The following MGARP variants were observed in gnomAD, a reference collection of about 807,000 sequenced individuals.
MGARP encodes the protein protein MGARP.
In MGARP, 12 loss-of-function variants were observed where a neutral mutation model predicts 11.0. The observed-to-expected ratio is 1.09, with a 90% confidence interval of 0.70 to 1.77. The LOEUF (loss-of-function observed/expected upper bound fraction) is 1.77, where lower values mean the gene tolerates loss of function less well. MGARP is among the 40% of genes most tolerant of loss of function. The probability of loss-of-function intolerance (pLI) is 0.00; values close to 1 mark genes in which losing one functional copy is unlikely to be tolerated. For missense variants in MGARP, 283 were observed against 297.8 expected, an observed-to-expected ratio of 0.95 and a Z score of 0.36; for synonymous variants, 110 against 115.4, an observed-to-expected ratio of 0.95 and a Z score of 0.30.
At chr4:139,268,316 A>G (rs1744727561) in intron 3 of MGARP, among the ~76,000 whole-genome samples, 1 of 152,228 alleles carries the variant, frequency 6.6e-6, no homozygotes, top group Admixed American at 6.5e-5. Flanking sequence ...GCCAAAACTG[A>G]AAGATAATTT....
At chr4:139,277,854 A>G (rs1350456289) in intron 1 of MGARP, among the ~76,000 whole-genome samples, 1 of 152,242 alleles carries the variant, frequency 6.6e-6, no homozygotes, top group Non-Finnish European at 1.5e-5. Flanking sequence ...TGGTAGGATT[A>G]CAGGTGAATT....
At position 139,267,052 on chromosome 4, in the gene MGARP, T is replaced by C. The variant is rs1744710451; in HGVS notation, c.281-11A>G. 6.2e-7 allele frequency: 1 copy of C among 1,608,798 alleles called. No homozygotes were observed. The stretch of plus-strand genomic sequence containing the variant: ...CATTCTCCTTTTCACCTTTAAGAAT[T>C]AGTCATTAAGCAAGGTATTAATTTA... On this transcript the variant is annotated splice_polypyrimidine_tract_variant and intron_variant, in intron 3 of 3. Transcript: ENST00000398955.
chr4:139,272,824 T>C (rs1262297057), intron 2 of MGARP, among the ~76,000 whole-genome samples: 2 of 151,214 alleles, frequency 1.3e-5, no homozygotes, highest in Non-Finnish European at 2.9e-5. Context: ...TAGCTGGGAT[T>C]ACAGGTGCCC....
Position 139,266,933 on chromosome 4 carries a change from A to G in MGARP, c.389T>C (p.Val130Ala), listed in dbSNP as rs745875287. Residue 130 changes from valine (V) to alanine (A), a missense_variant, in exon 4 of 4, where the codon GTT becomes GCT. Transcript: ENST00000398955. Reference sequence around the variant, plus strand: ...GGCAGATGCCTCTTTTATGACCACAACTGTAGCACTGGGACTTTCTTCAGC... The same window carrying G: ...GGCAGATGCCTCTTTTATGACCACAGCTGTAGCACTGGGACTTTCTTCAGC... ...VDAEESPSAT[V>A]VVIKEASACP... The G allele has an allele frequency of 5.0e-6, 8 of 1,614,006 alleles. No homozygotes were observed. The highest frequency in any genetic ancestry group is 2.2e-5 in the East Asian group (1 of 44,896).
chr4:139,279,409 G>A (rs1478797091), intron 1 of MGARP, among the ~76,000 whole-genome samples: 1 of 152,188 alleles, frequency 6.6e-6, no homozygotes, highest in African/African-American at 2.4e-5. Flanking sequence ...GGACTACAGA[G>A]CCAAGCAGTT....
At chr4:139,272,816 G>C (rs2110731735) in intron 2 of MGARP, among the ~76,000 whole-genome samples, 1 of 149,930 alleles carries the variant, frequency 6.7e-6, no homozygotes, top group South Asian at 2.1e-4. Context: ...CTCCAGAGTA[G>C]CTGGGATTAC....
At chr4:139,268,898 G>C (rs1744736029) in intron 2 of MGARP, 133 bp from the exon 3 acceptor site, 1 of 600,116 alleles carries the variant, frequency 1.7e-6, no homozygotes, top group Non-Finnish European at 2.9e-6. Context: ...GCAAAGAAGA[G>C]AAATCAGTGC....
chr4:139,279,276 G>T (rs1030123114), intron 1 of MGARP, among the ~76,000 whole-genome samples: 1 of 152,168 alleles, frequency 6.6e-6, no homozygotes, highest in Non-Finnish European at 1.5e-5. Context: ...TATACGAAGC[G>T]CTTTCCTATA....
intron 1 of MGARP, among the ~76,000 whole-genome samples, chr4:139,275,976 T>A (rs1744863226): frequency 1.3e-5 from 2 of 152,304 alleles, no homozygotes; most frequent in South Asian, 4.1e-4. Flanking sequence ...AAAGGTTGTA[T>A]CTGAAATAGA....
intron 1 of MGARP, among the ~76,000 whole-genome samples, chr4:139,279,499 G>A (rs1340584518): frequency 6.6e-6 from 1 of 152,124 alleles, no homozygotes; most frequent in Non-Finnish European, 1.5e-5. Flanking sequence ...AGAGCCAGGC[G>A]CTCGCGGGGT....
chr4:139,279,070 T>C (rs1744916361), intron 1 of MGARP, among the ~76,000 whole-genome samples: 1 of 152,042 alleles, frequency 6.6e-6, no homozygotes, highest in Admixed American at 6.6e-5. Flanking sequence ...TGAGGCTAAG[T>C]GAAGAGAGCA....
In MGARP at chr4:139,280,102, G is replaced by A. The variant is rs775898957; in HGVS notation, c.57C>T (p.Pro19=). 1.9e-6 allele frequency: 3 copies of A among 1,611,764 alleles called. No individual in the cohort carries two copies. In the African/African-American group the frequency reaches 4.0e-5, roughly 22 times the overall value. ...CGTCCTTTCCGAGCGGCGCGGGGTT[G>A]GGGGGCGCCCTCAGCGGCAGCGCCA... The part of the protein sequence containing the change: ...KTLALPLRAP[P]NPAPLGKDAS... Residue 19 remains proline, a synonymous_variant, in exon 1 of 4, where the codon CCC becomes CCT. Transcript: ENST00000398955.
rs1560930096 is a variant in MGARP, at chr4:139,266,824, C to T, written c.498G>A (p.Arg166=). The part of the protein sequence containing the change: ...TGPEVTDAAA[R]ETTEVNPETT... ...TTTCAGGGTTTACTTCCGTGGTTTCCCTCGCCGCTGCATCTGTGACCTCTG... is the reference window on the plus strand; with the variant it reads ...TTTCAGGGTTTACTTCCGTGGTTTCTCTCGCCGCTGCATCTGTGACCTCTG... The change falls in exon 4 of 4, where the codon AGG becomes AGA. Residue 166 remains arginine, a synonymous_variant. Transcript: ENST00000398955. 1 of 1,614,092 alleles carries T rather than the reference C, an allele frequency of 6.2e-7. No individual in the cohort carries two copies.
At position 139,280,151 on chromosome 4, in the gene MGARP, A is replaced by G. The variant is rs1458966520; in HGVS notation, c.8T>C (p.Leu3Pro). The G allele has an allele frequency of 6.2e-7, 1 of 1,608,786 alleles. No homozygotes were observed. The highest frequency in any genetic ancestry group is 8.5e-7 in the Non-Finnish European group (1 of 1,178,610). MY[L>P]RRAVSKTLAL... ...CAGAGTCTTGGAGACCGCCCTGCGG[A>G]GATACATCGCGCCCGCTGTCCGCCG... The change falls in exon 1 of 4, where the codon CTC becomes CCC. Residue 3 changes from leucine (L) to proline (P), a missense_variant. By Grantham distance (98) the Leu-to-Pro change is moderately conservative (BLOSUM62 -3). Coordinates refer to ENST00000398955, the MANE Select transcript of MGARP (RefSeq NM_032623.4).
Position 139,266,604 on chromosome 4 carries a change from C to T in MGARP, c.718G>A (p.Gly240Ser), listed in dbSNP as rs1199917286. The T allele has an allele frequency of 3.1e-6, 5 of 1,612,026 alleles. No homozygotes were observed. Among genetic ancestry groups the T allele is most frequent in the Non-Finnish European group, 3.4e-6 (4 of 1,179,218 alleles). ...SVGSEAASAQ[G>S] ...AAATGTCTACCGGCTGGAGATTAGCCTTGAGCCGAAGCAGCCTCAGAGCCA... is the reference window on the plus strand; with the variant it reads ...AAATGTCTACCGGCTGGAGATTAGCTTTGAGCCGAAGCAGCCTCAGAGCCA... The change falls in exon 4 of 4, where the codon GGC (glycine) becomes AGC (serine). Residue 240 changes from glycine to serine, a missense_variant. Gly to Ser is a moderately conservative substitution (Grantham distance 56). Coordinates refer to ENST00000398955, the MANE Select transcript of MGARP (RefSeq NM_032623.4).
chr4:139,280,079 T>A lies in MGARP; in HGVS notation c.80A>T (p.Asp27Val). Reference protein sequence around the residue: ...APPNPAPLGKDASLRRMSSNR... With the variant: ...APPNPAPLGKVASLRRMSSNR... Reference sequence around the variant, plus strand: ...CCGGGCTAGACCTCCTTACTCACCGTCCTTTCCGAGCGGCGCGGGGTTGGG... The same window carrying A: ...CCGGGCTAGACCTCCTTACTCACCGACCTTTCCGAGCGGCGCGGGGTTGGG... The change falls in exon 1 of 4, where the codon GAC becomes GTC. Residue 27 changes from aspartate (D) to valine (V), a missense_variant and splice_region_variant. Transcript: ENST00000398955. 6.2e-7 allele frequency: 1 copy of A among 1,612,112 alleles called. No homozygotes were observed. The highest frequency in any genetic ancestry group is 1.1e-5 in the South Asian group (1 of 91,058).
At chr4:139,276,755 C>G (rs1744880928) in intron 1 of MGARP, among the ~76,000 whole-genome samples, 1 of 152,086 alleles carries the variant, frequency 6.6e-6, no homozygotes, top group Non-Finnish European at 1.5e-5. Context: ...GAGGCTGAGG[C>G]AGGAGGATCA....
Position 139,266,995 on chromosome 4 carries a change from G to A in MGARP, c.327C>T (p.Ala109=), listed in dbSNP as rs1217279467. The A allele has an allele frequency of 8.7e-6, 14 of 1,613,948 alleles. No homozygotes were observed. The highest frequency in any genetic ancestry group is 1.0e-5 in the Non-Finnish European group (12 of 1,179,984). ...CAGCTTCCACTATAAGTTCTTCTGG[G>A]GCTTCTGAACTTGCTTTCTCAGTTT... ...VAETEKASSE[A]PEELIVEAEV... Residue 109 remains alanine (A), a synonymous_variant, in exon 4 of 4, where the codon GCC becomes GCT. Coordinates refer to ENST00000398955, the MANE Select transcript of MGARP (RefSeq NM_032623.4).
chr4:139,274,925 T>A (rs1744843732), intron 2 of MGARP, among the ~76,000 whole-genome samples: 1 of 152,240 alleles, frequency 6.6e-6, no homozygotes, highest in Admixed American at 6.5e-5. Flanking sequence ...CTATCACTAT[T>A]AGCATTTATA....
Sources: allele counts gnomAD v4.1 joint callset (sites outside exome capture counted in the v4.1 genomes callset), GRCh38; gene constraint gnomAD v4.1.1; transcripts MANE v1.5; gene names NCBI Gene and HGNC (gene_info 2026-07-23, HGNC 2026-07-21).